RPS6KC1: variants seen among roughly 807,000 people sequenced by gnomAD.
The protein encoded by RPS6KC1 is inactive ribosomal protein S6 kinase delta-1.
A neutral mutation model predicts 103.8 loss-of-function variants in RPS6KC1; 54 were observed. That is an observed-to-expected ratio of 0.52 (90% CI 0.42 to 0.65). RPS6KC1 has a LOEUF of 0.65. Ranked by LOEUF, RPS6KC1 falls within the 30% of genes least tolerant of loss-of-function variation. The pLI, the probability that RPS6KC1 is intolerant of heterozygous loss-of-function variation, is 0.00. For synonymous variants in RPS6KC1, 439 were observed against 438.7 expected, an observed-to-expected ratio of 1.00 and a Z score of -0.01; for missense variants, 1,151 against 1,253.8, an observed-to-expected ratio of 0.92 and a Z score of 1.24.
At chr1:213,130,917 CTT>C (rs986228266) in intron 6 of RPS6KC1, among the ~76,000 whole-genome samples, 1 of 146,840 alleles carries the variant, frequency 6.8e-6, no homozygotes. Context: ...ATCCATCTAC[CTT>C]TTTTTTTTTA....
the RPS6KC1 span, among the ~76,000 whole-genome samples, chr1:213,551,406 C>T: frequency 6.6e-6 from 1 of 152,136 alleles, no homozygotes; most frequent in Non-Finnish European, 1.5e-5. Flanking sequence ...TGGGTAATGT[C>T]TAAGTGCTCG....
chr1:213,760,463 A>G, the RPS6KC1 span, among the ~76,000 whole-genome samples: 1 of 152,186 alleles, frequency 6.6e-6, no homozygotes, highest in South Asian at 2.1e-4. Flanking sequence ...AGGAAGGAAT[A>G]TGAGTTCACA....
chr1:213,343,436 TATATAC>T, the RPS6KC1 span, among the ~76,000 whole-genome samples: 11 of 86,758 alleles, frequency 1.3e-4, no homozygotes, highest in African/African-American at 4.4e-4. Context: ...TATATATATA[TATATAC>T]ATACCATGGA....
At chr1:213,846,264 C>T in the RPS6KC1 span, among the ~76,000 whole-genome samples, 1 of 151,878 alleles carries the variant, frequency 6.6e-6, no homozygotes, top group African/African-American at 2.4e-5. Context: ...CACACCACTG[C>T]ACTCCAGCCT....
At chr1:213,434,123 A>T in the RPS6KC1 span, among the ~76,000 whole-genome samples, 1 of 149,282 alleles carries the variant, frequency 6.7e-6, no homozygotes. Context: ...AAAAAAAAGC[A>T]CTTACTCATT....
At chr1:213,656,475 T>G in the RPS6KC1 span, among the ~76,000 whole-genome samples, 9,261 of 152,254 alleles carry the variant, frequency 0.061, 358 homozygotes, top group East Asian at 0.16. Flanking sequence ...GAGACAGAAC[T>G]GTCACAATGG....
At chr1:213,082,287 C>T (rs1214867539) in intron 3 of RPS6KC1, among the ~76,000 whole-genome samples, 1 of 151,904 alleles carries the variant, frequency 6.6e-6, no homozygotes, top group African/African-American at 2.4e-5. Context: ...AAAAATTAGC[C>T]AGGCGTGGTG....
intron 2 of RPS6KC1, among the ~76,000 whole-genome samples, chr1:213,077,166 G>A (rs778121364): frequency 1.1e-4 from 16 of 152,160 alleles, no homozygotes; most frequent in Non-Finnish European, 1.5e-4. Context: ...CACTGCGCCC[G>A]GCCAGTTTAT....
At chr1:213,415,637 T>C in the RPS6KC1 span, among the ~76,000 whole-genome samples, 9 of 152,282 alleles carry the variant, frequency 5.9e-5, no homozygotes, top group East Asian at 1.2e-3. Flanking sequence ...GAGTTGACCT[T>C]GAGAGGGGCA....
chr1:213,500,139 A>T, the RPS6KC1 span, among the ~76,000 whole-genome samples: 2 of 152,260 alleles, frequency 1.3e-5, no homozygotes, highest in Non-Finnish European at 2.9e-5. Flanking sequence ...GTAATAACTT[A>T]GCTTAAAACA....
the RPS6KC1 span, among the ~76,000 whole-genome samples, chr1:213,628,596 T>C: frequency 6.6e-6 from 1 of 152,186 alleles, no homozygotes; most frequent in Non-Finnish European, 1.5e-5. Flanking sequence ...CATTTAACAT[T>C]AGGTATATCT....
intron 8 of RPS6KC1, 41 bp downstream of exon 8, chr1:213,176,533 G>T: frequency 1.5e-6 from 2 of 1,295,966 alleles, no homozygotes; most frequent in South Asian, 2.6e-5. Context: ...GTCATAAATC[G>T]ACTGCATGCT....
At chr1:213,339,264 C>G in the RPS6KC1 span, among the ~76,000 whole-genome samples, 1 of 151,634 alleles carries the variant, frequency 6.6e-6, no homozygotes, top group South Asian at 2.1e-4. Flanking sequence ...GAAACTCTGT[C>G]TCAAAAAATA....
At chr1:213,582,435 C>A in the RPS6KC1 span, among the ~76,000 whole-genome samples, 1 of 152,162 alleles carries the variant, frequency 6.6e-6, no homozygotes, top group African/African-American at 2.4e-5. Flanking sequence ...AAAATCCTTA[C>A]TGACGGCACA....
chr1:213,253,077 CAATAGAATTTCTCTATAAGTGA>C (rs1206516449), intron 12 of RPS6KC1, among the ~76,000 whole-genome samples: 1 of 152,138 alleles, frequency 6.6e-6, no homozygotes, highest in Non-Finnish European at 1.5e-5. Context: ...TTCTAAATTA[CAATAGAATTTCTCTATAAGTGA>C]AATTCTCTTC....
the RPS6KC1 span, among the ~76,000 whole-genome samples, chr1:213,743,905 A>G: frequency 6.6e-6 from 1 of 152,200 alleles, no homozygotes; most frequent in African/African-American, 2.4e-5. Flanking sequence ...ATCAGCTTCT[A>G]AAGAAAATGT....
chr1:213,698,645 G>GTA, the RPS6KC1 span, among the ~76,000 whole-genome samples: 133 of 150,612 alleles, frequency 8.8e-4, no homozygotes, highest in South Asian at 3.4e-3. Context: ...ATTTGTGCCT[G>GTA]TATATATATA....
At chr1:213,119,573 T>C (rs1482814168) in intron 5 of RPS6KC1, among the ~76,000 whole-genome samples, 1 of 149,508 alleles carries the variant, frequency 6.7e-6, no homozygotes, top group East Asian at 2.0e-4. Flanking sequence ...GATACAAGAA[T>C]CAAAGGTTCT....
At chr1:213,657,085 A>G in the RPS6KC1 span, among the ~76,000 whole-genome samples, 3 of 152,256 alleles carry the variant, frequency 2.0e-5, no homozygotes, top group Non-Finnish European at 4.4e-5. Flanking sequence ...TCAACTATAA[A>G]TTAACATAAA....
Sources: gnomAD v4.1 joint callset for allele counts (sites outside exome capture counted in the v4.1 genomes callset) on GRCh38, gnomAD v4.1.1 for gene constraint, MANE v1.5 for transcripts, NCBI Gene and HGNC (gene_info 2026-07-23, HGNC 2026-07-21) for gene names.